Variants in RAD51AP1 observed in about 807,000 individuals in gnomAD.
The protein encoded by RAD51AP1 is RAD51 associated protein 1.
In RAD51AP1, 14 loss-of-function variants were observed where a neutral mutation model predicts 34.3. The ratio of observed to expected loss-of-function variants is 0.41; its 90% confidence interval spans 0.27 to 0.64. RAD51AP1 has a LOEUF of 0.64. Among genes scored for constraint, RAD51AP1 ranks in the 30% least tolerant of loss-of-function variants. The pLI is 0.33. For synonymous variants in RAD51AP1, 114 were observed against 129.8 expected (o/e 0.88, Z 0.83); for missense variants, 348 against 386.9 (o/e 0.90, Z 0.84).
At chr12:4,545,190 T>C in intron 3 of RAD51AP1, 1 of 452,658 alleles carries the variant, frequency 2.2e-6, no homozygotes, top group South Asian at 1.6e-5. Flanking sequence ...AAGTAAAATG[T>C]GGTTTCCACA....
intron 8 of RAD51AP1, 81 bp from the exon 9 acceptor site, chr12:4,558,776 T>C (rs898379358): frequency 2.6e-5 from 40 of 1,531,456 alleles, no homozygotes; most frequent in Non-Finnish European, 3.4e-5. Flanking sequence ...AACTACCTTT[T>C]TTTTGCTGCT....
chr12:4,543,889 A>G lies in RAD51AP1; in HGVS notation c.194A>G (p.Lys65Arg), dbSNP rs1159311347. 1 of 1,608,708 alleles carries G rather than the reference A, an allele frequency of 6.2e-7. No individual in the cohort carries two copies. The highest frequency in any genetic ancestry group is 1.7e-5 in the Admixed American group (1 of 58,812). The change falls in exon 3 of 9, where the codon AAA becomes AGA. Residue 65 changes from lysine to arginine, a missense_variant. Coordinates refer to ENST00000352618, the MANE Select transcript of RAD51AP1 (RefSeq NM_006479.5). The part of the protein sequence containing the change: ...LRKEEIPVQE[K>R]TPKKRMALDD... ...AAAGAAGAAATCCCAGTACAAGAGA[A>G]AACCCCTAAAAAAAGGTGAGAGGTA...
Position 4,553,496 on chromosome 12 carries a change from A to G in RAD51AP1, c.721+349A>G, listed in dbSNP as rs116370236. 4.5e-3 allele frequency among the ~76,000 whole-genome samples: 688 copies of G among 152,320 alleles called. 5 individuals are homozygous for G. Among genetic ancestry groups the G allele is most frequent in the African/African-American group, 0.016 (655 of 41,578 alleles). ...AGGTGAAGGGCTAGAATTTGAACCCATGTTTGTCCATTCAGAGTCTAAGCT... is the reference window on the plus strand; with the variant it reads ...AGGTGAAGGGCTAGAATTTGAACCCGTGTTTGTCCATTCAGAGTCTAAGCT... On this transcript the variant is annotated intron_variant, in intron 7 of 8. Transcript: ENST00000352618.
chr12:4,556,640 A>C (rs1944585364), intron 8 of RAD51AP1, 138 bp downstream of exon 8: 1 of 934,410 alleles, frequency 1.1e-6, no homozygotes, highest in South Asian at 1.9e-5. Flanking sequence ...TGGTTGCTGC[A>C]TATATTCATT....
chr12:4,540,971 T>G (rs1944462532), intron 1 of RAD51AP1, among the ~76,000 whole-genome samples: 1 of 152,198 alleles, frequency 6.6e-6, no homozygotes, highest in Admixed American at 6.5e-5. Flanking sequence ...ATTTAGCCAT[T>G]TGACAAAAAT....
rs368122173 is a variant in RAD51AP1 at position 4,541,967 on chromosome 12, T to G, written c.67+34T>G. The G allele has an allele frequency of 4.2e-5, 59 of 1,398,062 alleles. No homozygotes were observed. In the African/African-American group the frequency reaches 7.3e-4, roughly 17 times the overall value. 86.6% of individuals were successfully genotyped at this position (1,398,062 alleles called of 1,614,324 possible). A position where few individuals can be genotyped will look rare whatever the true frequency, so the allele number is the denominator to read the frequency against. ...AGCTTCTTATTTTTGTTCTAAAGAT[T>G]TGGAAACTCATTTCCTCGGAATTTA... is the stretch of plus-strand genomic sequence containing the variant. On this transcript the variant is annotated intron_variant, in intron 2 of 8. Transcript: ENST00000352618.
In RAD51AP1 at chr12:4,543,797, G is replaced by T. The variant is rs1156613237; in HGVS notation, c.102G>T (p.Lys34Asn). 2 of 1,606,726 alleles carry T rather than the reference G, an allele frequency of 1.2e-6. No homozygotes were observed. Among genetic ancestry groups the T allele is most frequent in the East Asian group, 4.5e-5 (2 of 44,606 alleles). Residue 34 changes from lysine (K) to asparagine (N), a missense_variant, in exon 3 of 9, where the codon AAG (lysine) becomes AAT (asparagine). By Grantham distance (94) the Lys-to-Asn change is moderately conservative. Coordinates refer to ENST00000352618, the MANE Select transcript of RAD51AP1 (RefSeq NM_006479.5). Reference protein sequence around the residue: ...DFVSATVPLNKKSRTAPKELK... With the variant: ...DFVSATVPLNNKSRTAPKELK... Reference sequence around the variant, plus strand: ...TTTCTGCAACTGTACCTTTAAACAAGAAATCCAGAACAGCACCAAAGGAGT... The same window carrying T: ...TTTCTGCAACTGTACCTTTAAACAATAAATCCAGAACAGCACCAAAGGAGT...
intron 2 of RAD51AP1, among the ~76,000 whole-genome samples, chr12:4,542,775 A>G (rs1029461585): frequency 5.3e-5 from 8 of 152,230 alleles, no homozygotes; most frequent in Non-Finnish European, 8.8e-5. Flanking sequence ...TACATGTGGA[A>G]AAGCCACAGC....
chr12:4,544,737 G>GT (rs1434848106), intron 3 of RAD51AP1, among the ~76,000 whole-genome samples: 5 of 152,236 alleles, frequency 3.3e-5, no homozygotes, highest in Admixed American at 3.3e-4. Flanking sequence ...AAACTCAACA[G>GT]TAAAAAGACT....
At chr12:4,545,529 GTTTAC>G (rs1944499770) in intron 3 of RAD51AP1, among the ~76,000 whole-genome samples, 1 of 152,104 alleles carries the variant, frequency 6.6e-6, no homozygotes, top group South Asian at 2.1e-4. Flanking sequence ...CTGCTGAATT[GTTTAC>G]TTTAAAAGGT....
chr12:4,540,041 A>C (rs367651618), intron 1 of RAD51AP1, among the ~76,000 whole-genome samples: 3 of 152,248 alleles, frequency 2.0e-5, no homozygotes. Flanking sequence ...TGGGCATGGA[A>C]TGGAACAGAT....
chr12:4,540,809 A>G (rs552276058), intron 1 of RAD51AP1, among the ~76,000 whole-genome samples: 25 of 152,346 alleles, frequency 1.6e-4, no homozygotes, highest in Non-Finnish European at 3.2e-4. Context: ...GGAAGTACAC[A>G]TAAAGCACTT....
At chr12:4,549,666 G>C (rs1944532579) in intron 6 of RAD51AP1, among the ~76,000 whole-genome samples, 1 of 152,150 alleles carries the variant, frequency 6.6e-6, no homozygotes, top group South Asian at 2.1e-4. Context: ...GACACTCTTT[G>C]AGCGCCAATG....
At chr12:4,545,851 A>G (rs548064830) in intron 3 of RAD51AP1, 3 of 1,603,034 alleles carry the variant, frequency 1.9e-6, no homozygotes, top group Non-Finnish European at 2.6e-6. Flanking sequence ...TTGGTAAAAT[A>G]TTTGTTAAAG....
At chr12:4,551,217 C>T (rs185251571) in intron 6 of RAD51AP1, among the ~76,000 whole-genome samples, 10 of 152,024 alleles carry the variant, frequency 6.6e-5, no homozygotes, top group Non-Finnish European at 8.8e-5. Flanking sequence ...AGAATATGGC[C>T]GGGCACAGTG....
Position 4,556,450 on chromosome 12 carries a change from A to G in RAD51AP1, c.819A>G (p.Leu273=), listed in dbSNP as rs1245581055. Reference sequence around the variant, plus strand: ...CTTCAGATACCACTAGGAAACCATTAGAAATACGCAGTCCTTCAGCTGAAA... The same window carrying G: ...CTTCAGATACCACTAGGAAACCATTGGAAATACGCAGTCCTTCAGCTGAAA... ...SLSSDTTRKP[L]EIRSPSAESK... Residue 273 remains leucine, a synonymous_variant, in exon 8 of 9, where the codon TTA becomes TTG. Coordinates refer to ENST00000352618, the MANE Select transcript of RAD51AP1 (RefSeq NM_006479.5). 1.9e-6 allele frequency: 3 copies of G among 1,613,558 alleles called. No individual in the cohort carries two copies. The highest frequency in any genetic ancestry group is 2.5e-6 in the Non-Finnish European group (3 of 1,179,460).
chr12:4,552,366 C>G (rs894502345), intron 6 of RAD51AP1, among the ~76,000 whole-genome samples: 1 of 152,096 alleles, frequency 6.6e-6, no homozygotes, highest in Non-Finnish European at 1.5e-5. Flanking sequence ...TATTTTGCCA[C>G]GAAGTGCAGA....
rs79532527 is a variant in RAD51AP1 at position 4,542,796 on chromosome 12, C to T, written c.67+863C>T. On this transcript the variant is annotated intron_variant, in intron 2 of 8. Transcript: ENST00000352618. Reference sequence around the variant, plus strand: ...TGGAAAAGCCACAGCAGTAGTTTTACGTTGACAGTCAAGAGTAGAACTACA... The same window carrying T: ...TGGAAAAGCCACAGCAGTAGTTTTATGTTGACAGTCAAGAGTAGAACTACA... Among the ~76,000 whole-genome samples, 548 of 152,230 alleles carry T rather than the reference C, an allele frequency of 3.6e-3. 5 individuals are homozygous for T. Among genetic ancestry groups the T allele is most frequent in the African/African-American group, 0.013 (525 of 41,552 alleles).
intron 3 of RAD51AP1, among the ~76,000 whole-genome samples, chr12:4,545,005 A>T (rs1383498678): frequency 6.6e-6 from 1 of 152,192 alleles, no homozygotes; most frequent in Non-Finnish European, 1.5e-5. Context: ...ATGGTTTAGC[A>T]GTTCCTCAAA....
Sources: gnomAD v4.1 joint callset for allele counts (sites outside exome capture counted in the v4.1 genomes callset) on GRCh38, gnomAD v4.1.1 for gene constraint, MANE v1.5 for transcripts, NCBI Gene and HGNC (gene_info 2026-07-23, HGNC 2026-07-21) for gene names.